The following ANKRD62 variants were observed in gnomAD, a reference collection of about 807,000 sequenced individuals.
ANKRD62 encodes the protein ankyrin repeat domain 62, also known as ankyrin repeat domain-containing protein 62.
Under a neutral mutation model 98.8 loss-of-function variants are expected in ANKRD62, and 61 were observed. That is an observed-to-expected ratio of 0.62 (90% CI 0.50 to 0.76). The LOEUF (loss-of-function observed/expected upper bound fraction) is 0.76. Among genes scored for constraint, ANKRD62 ranks in the 30% least tolerant of loss-of-function variants. The pLI, the probability that ANKRD62 is intolerant of heterozygous loss-of-function variation, is 0.00. For missense variants in ANKRD62, 933 were observed against 1,082.9 expected (o/e 0.86, Z 1.94); for synonymous variants, 341 against 367.9 (o/e 0.93, Z 0.84).
chr18:12,146,444 G>A, the ANKRD62 span, among the ~76,000 whole-genome samples: 1,191 of 152,166 alleles, frequency 7.8e-3, 21 homozygotes, highest in African/African-American at 0.027. Context: ...GACTTTTTTG[G>A]GGGGGCGTGT....
chr18:12,151,464 AC>A, the ANKRD62 span, among the ~76,000 whole-genome samples: 1 of 152,190 alleles, frequency 6.6e-6, no homozygotes, highest in Admixed American at 6.5e-5. Context: ...GTCCCTGAAA[AC>A]AACAGAATAT....
At chr18:12,158,134 A>G in the ANKRD62 span, among the ~76,000 whole-genome samples, 2 of 152,308 alleles carry the variant, frequency 1.3e-5, no homozygotes, top group South Asian at 2.1e-4. Flanking sequence ...GGCTCACTCT[A>G]TTCAGAGACA....
the ANKRD62 span, among the ~76,000 whole-genome samples, chr18:12,180,942 C>CCTG: frequency 2.7e-3 from 364 of 136,050 alleles, 8 homozygotes; most frequent in Admixed American, 0.023. Context: ...TATCCCTCCC[C>CCTG]CCCCACCTCA....
chr18:12,140,905 G>A, the ANKRD62 span, among the ~76,000 whole-genome samples: 1 of 152,214 alleles, frequency 6.6e-6, no homozygotes, highest in African/African-American at 2.4e-5. Flanking sequence ...ATTTAAGACT[G>A]CAGAGGTTAT....
chr18:12,139,172 T>C, the ANKRD62 span, among the ~76,000 whole-genome samples: 1 of 152,222 alleles, frequency 6.6e-6, no homozygotes, highest in Non-Finnish European at 1.5e-5. Context: ...GTTTTTGCAG[T>C]GGCTGGTACC....
chr18:12,171,385 C>T, the ANKRD62 span, among the ~76,000 whole-genome samples: 735 of 152,252 alleles, frequency 4.8e-3, 8 homozygotes, highest in East Asian at 0.012. Flanking sequence ...TTTATTTCTC[C>T]TTCACTTATG....
chr18:12,154,660 C>T, the ANKRD62 span, among the ~76,000 whole-genome samples: 1 of 152,218 alleles, frequency 6.6e-6, no homozygotes, highest in Non-Finnish European at 1.5e-5. Context: ...CATAAAGCCA[C>T]ATGCATGTGA....
the ANKRD62 span, among the ~76,000 whole-genome samples, chr18:12,179,920 A>T: frequency 1.3e-5 from 1 of 78,564 alleles, no homozygotes; most frequent in Non-Finnish European, 2.4e-5. Flanking sequence ...TGGCAGCCTG[A>T]CATGGTCTGC....
chr18:12,167,016 T>A, the ANKRD62 span, among the ~76,000 whole-genome samples: 1,602 of 151,934 alleles, frequency 0.011, 23 homozygotes, highest in African/African-American at 0.036. Context: ...GAATGATGGT[T>A]TCCAGCTTCA....
rs1909113042 is a variant in ANKRD62, at chr18:12,094,163, G to A, written c.146G>A (p.Gly49Asp). ...LGMIHKAAIA[G>D]DVNKVMESIL... ...ATGATCCACAAAGCTGCCATCGCAG[G>A]TGATGTGAACAAGGTGATGGAGAGC... Residue 49 changes from glycine to aspartate, a missense_variant, in exon 1 of 14, where the codon GGT (glycine) becomes GAT (aspartate). Around this residue, in one of 3 missense-constraint regions of ANKRD62, gnomAD observed 549 missense variants for 587.9 expected, o/e 0.93. Transcript: ENST00000587848. 1 of 1,532,966 alleles carries A rather than the reference G, an allele frequency of 6.5e-7. No individual in the cohort carries two copies. The highest frequency in any genetic ancestry group is 1.4e-5 in the African/African-American group (1 of 71,882). 95.0% of individuals were successfully genotyped at this position (1,532,966 alleles called of 1,614,324 possible).
At chr18:12,121,989 AAATCT>A (rs1909791824) in intron 10 of ANKRD62, among the ~76,000 whole-genome samples, 1 of 152,124 alleles carries the variant, frequency 6.6e-6, no homozygotes, top group Non-Finnish European at 1.5e-5. Context: ...TTCCTCAGGG[AAATCT>A]TCCCTGAGCC....
chr18:12,137,531 A>C, the ANKRD62 span, among the ~76,000 whole-genome samples: 946 of 152,284 alleles, frequency 6.2e-3, 3 homozygotes, highest in African/African-American at 0.017. Context: ...TGTCTCTGCC[A>C]GGCTTTGGTA....
chr18:12,104,545 A>G lies in ANKRD62; in HGVS notation c.891+1317A>G, dbSNP rs148321718. On this transcript the variant is annotated intron_variant, in intron 7 of 13. Coordinates refer to ENST00000587848, the MANE Select transcript of ANKRD62 (RefSeq NM_001277333.2). ...GTATGAGGAAAACGTGGATCAAACA[A>G]GACAAATGAGGTGGAAAAAAACTTT... Among the ~76,000 whole-genome samples the G allele has an allele frequency of 4.2e-3, 637 of 152,260 alleles. 9 individuals carry two copies. Among genetic ancestry groups the G allele is most frequent in the African/African-American group, 0.014 (602 of 41,576 alleles).
rs1909318698 is a variant in ANKRD62 at position 12,102,328 on chromosome 18, T to G, written c.821-830T>G. 4 of 701,202 alleles carry G rather than the reference T, an allele frequency of 5.7e-6. No homozygotes were observed. The South Asian group carries it at 5.9e-5, about 10-fold the overall frequency. 43.4% of individuals were successfully genotyped at this position (701,202 alleles called of 1,614,324 possible). ...GAATGGTGGCTTGGTGACAAGCCAA[T>G]GTACTCACTCCACACCATTCGGGGG... On this transcript the variant is annotated intron_variant, in intron 6 of 13. Transcript: ENST00000587848.
chr18:12,118,204 C>T (rs1409663695), intron 10 of ANKRD62, among the ~76,000 whole-genome samples: 1 of 152,212 alleles, frequency 6.6e-6, no homozygotes, highest in Non-Finnish European at 1.5e-5. Flanking sequence ...CAGTACTCTG[C>T]CTGTGTATCC....
At chr18:12,138,969 C>A in the ANKRD62 span, among the ~76,000 whole-genome samples, 7 of 152,168 alleles carry the variant, frequency 4.6e-5, no homozygotes, top group African/African-American at 1.7e-4. Context: ...CTGAATACAG[C>A]ACACTGATGG....
At chr18:12,109,895 C>T (rs1339805846) in intron 8 of ANKRD62, among the ~76,000 whole-genome samples, 1 of 129,424 alleles carries the variant, frequency 7.7e-6, no homozygotes, top group Non-Finnish European at 1.6e-5. Flanking sequence ...TACTGTCATT[C>T]AATAAATGAA....
At chr18:12,172,766 C>T in the ANKRD62 span, among the ~76,000 whole-genome samples, 20 of 152,222 alleles carry the variant, frequency 1.3e-4, no homozygotes. Context: ...CCAGGTCAAA[C>T]TTCCCAGCGG....
At chr18:12,173,024 G>T in the ANKRD62 span, among the ~76,000 whole-genome samples, 1 of 152,206 alleles carries the variant, frequency 6.6e-6, no homozygotes, top group Non-Finnish European at 1.5e-5. Context: ...CCCTTGGCTA[G>T]GAAAGAGAAT....
Sources: gnomAD v4.1 joint callset for allele counts (sites outside exome capture counted in the v4.1 genomes callset) on GRCh38, gnomAD v4.1.1 for gene constraint, gnomAD v4.1.1 regional missense constraint, MANE v1.5 for transcripts, NCBI Gene and HGNC (gene_info 2026-07-23, HGNC 2026-07-21) for gene names.